Variants in CHCHD3 observed in about 807,000 individuals in gnomAD.
CHCHD3 encodes MICOS complex subunit MIC19.
CHCHD3 carries 20 observed loss-of-function variants against 38.2 expected under a neutral mutation model. The ratio of observed to expected loss-of-function variants is 0.52; its 90% CI spans 0.37 to 0.76. The LOEUF (loss-of-function observed/expected upper bound fraction) is 0.76. Ranked by LOEUF, CHCHD3 falls within the 30% of genes least tolerant of loss-of-function variation. The pLI is 0.00. For synonymous variants in CHCHD3, 82 were observed against 100.0 expected (o/e 0.82, Z 1.07); for missense variants, 245 against 279.2 (o/e 0.88, Z 0.87).
At chr7:132,918,937 T>C (rs1048696969) in intron 4 of CHCHD3, among the ~76,000 whole-genome samples, 18 of 152,034 alleles carry the variant, frequency 1.2e-4, no homozygotes, top group African/African-American at 4.3e-4. Context: ...CTACCAGTGA[T>C]GAGCATCAAT....
intron 5 of CHCHD3, among the ~76,000 whole-genome samples, chr7:132,869,386 C>T (rs920383251): frequency 6.6e-6 from 1 of 152,132 alleles, no homozygotes; most frequent in African/African-American, 2.4e-5. Context: ...GCTCAACCAG[C>T]TCTGTTCTTT....
intron 6 of CHCHD3, among the ~76,000 whole-genome samples, chr7:132,797,295 T>C (rs1256210889): frequency 6.6e-6 from 1 of 152,148 alleles, no homozygotes; most frequent in Non-Finnish European, 1.5e-5. Flanking sequence ...CTGGAAATGC[T>C]CTACGCCCAA....
chr7:132,911,904 G>A (rs1809960446), intron 4 of CHCHD3, among the ~76,000 whole-genome samples: 1 of 152,142 alleles, frequency 6.6e-6, no homozygotes, highest in Admixed American at 6.5e-5. Context: ...GGTTAATAAT[G>A]GAACATTAAC....
At chr7:133,075,974 G>A (rs114014675) in intron 1 of CHCHD3, among the ~76,000 whole-genome samples, 1,801 of 146,868 alleles carry the variant, frequency 0.012, 31 homozygotes, top group African/African-American at 0.043. Flanking sequence ...TAGGAAAATC[G>A]CTTGAACCCA....
chr7:132,819,551 G>A (rs1269489957), intron 6 of CHCHD3, among the ~76,000 whole-genome samples: 1 of 152,104 alleles, frequency 6.6e-6, no homozygotes, highest in East Asian at 1.9e-4. Flanking sequence ...TTAGAGAGAG[G>A]CATGCTCCCA....
chr7:132,820,611 G>GTTTTTTTTTTTTTTTTTTTTTTTTTTTTT (rs748470167), intron 6 of CHCHD3, among the ~76,000 whole-genome samples: 10 of 96,190 alleles, frequency 1.0e-4, no homozygotes, highest in Non-Finnish European at 1.6e-4. Context: ...ATGTGCTAGT[G>GTTTTTTTTTTTTTTTTTTTTTTTTTTTTT]TTTTTTTTTT....
intron 6 of CHCHD3, among the ~76,000 whole-genome samples, chr7:132,806,104 T>C (rs1323799888): frequency 2.6e-5 from 4 of 152,114 alleles, no homozygotes; most frequent in Non-Finnish European, 4.4e-5. Flanking sequence ...GGAAGGAAGA[T>C]GGAGCAGTAG....
intron 2 of CHCHD3, among the ~76,000 whole-genome samples, chr7:133,059,025 A>G (rs540686946): frequency 6.6e-6 from 1 of 152,282 alleles, no homozygotes. Context: ...CAGAAGCCAA[A>G]CCAAACCGCA....
intron 3 of CHCHD3, among the ~76,000 whole-genome samples, chr7:133,001,040 T>C (rs900304645): frequency 6.6e-6 from 1 of 152,180 alleles, no homozygotes; most frequent in Non-Finnish European, 1.5e-5. Context: ...TGACTGTTAA[T>C]TTCTAAGATC....
chr7:132,985,790 G>GC (rs1398772161), intron 3 of CHCHD3, among the ~76,000 whole-genome samples: 4 of 99,404 alleles, frequency 4.0e-5, no homozygotes, highest in African/African-American at 1.5e-4. Flanking sequence ...GGGGGGGTCA[G>GC]CCCCCCGCCC....
intron 3 of CHCHD3, among the ~76,000 whole-genome samples, chr7:133,022,884 T>G (rs1264870580): frequency 6.7e-6 from 1 of 149,098 alleles, no homozygotes; most frequent in East Asian, 2.0e-4. Flanking sequence ...AGTGAGTTAT[T>G]TTAACAAAAA....
chr7:132,937,426 C>A (rs1382073579), intron 4 of CHCHD3, among the ~76,000 whole-genome samples: 1 of 152,116 alleles, frequency 6.6e-6, no homozygotes, highest in Non-Finnish European at 1.5e-5. Context: ...CCCCTAAGTG[C>A]CTTTAAAATT....
At chr7:132,856,761 T>C (rs1021724738) in intron 5 of CHCHD3, among the ~76,000 whole-genome samples, 1 of 152,212 alleles carries the variant, frequency 6.6e-6, no homozygotes, top group Non-Finnish European at 1.5e-5. Flanking sequence ...GATCATTTGT[T>C]TCCCTGAATT....
chr7:132,978,114 G>T (rs932121819), intron 3 of CHCHD3, among the ~76,000 whole-genome samples: 1 of 151,886 alleles, frequency 6.6e-6, no homozygotes, highest in African/African-American at 2.4e-5. Context: ...TATAAACAAG[G>T]CACTCAGCAC....
At chr7:133,055,746 A>G (rs1489763391) in intron 2 of CHCHD3, among the ~76,000 whole-genome samples, 1 of 151,692 alleles carries the variant, frequency 6.6e-6, no homozygotes, top group African/African-American at 2.4e-5. Flanking sequence ...GAAGGCAAAT[A>G]GGATCAAGAA....
At chr7:133,018,870 T>C (rs1305767741) in intron 3 of CHCHD3, among the ~76,000 whole-genome samples, 2 of 131,862 alleles carry the variant, frequency 1.5e-5, no homozygotes, top group African/African-American at 6.0e-5. Flanking sequence ...AGTTGCATGA[T>C]TTCTCTTTTT....
At chr7:132,858,491 C>G (rs1483551520) in intron 5 of CHCHD3, among the ~76,000 whole-genome samples, 1 of 152,242 alleles carries the variant, frequency 6.6e-6, no homozygotes, top group Non-Finnish European at 1.5e-5. Context: ...CACAACCCCT[C>G]AAGCAGATGG....
chr7:132,802,989 A>G, intron 6 of CHCHD3, among the ~76,000 whole-genome samples: 1 of 152,164 alleles, frequency 6.6e-6, no homozygotes, highest in East Asian at 1.9e-4. Context: ...AATGCTTGAA[A>G]TATTGTTATT....
chr7:133,037,567 C>G (rs1192737036), intron 2 of CHCHD3, among the ~76,000 whole-genome samples: 1 of 152,178 alleles, frequency 6.6e-6, no homozygotes, highest in Non-Finnish European at 1.5e-5. Flanking sequence ...AATCCCAGCA[C>G]TTTCGGAGGC....
Sources: allele counts gnomAD v4.1 joint callset (sites outside exome capture counted in the v4.1 genomes callset), GRCh38; gene constraint gnomAD v4.1.1; transcripts MANE v1.5; gene names NCBI Gene and HGNC (gene_info 2026-07-23, HGNC 2026-07-21).